SLC25A25: variants seen among roughly 807,000 people sequenced by gnomAD.
SLC25A25 encodes the protein solute carrier family 25 member 25.
A neutral mutation model predicts 57.7 loss-of-function variants in SLC25A25; 32 were observed. The ratio of observed to expected loss-of-function variants is 0.55; its 90% CI spans 0.42 to 0.74. SLC25A25 has a LOEUF of 0.74. Among genes scored for constraint, SLC25A25 ranks in the 30% least tolerant of loss-of-function variants. The probability of loss-of-function intolerance (pLI) is 0.00; values close to 1 mark genes in which losing one functional copy is unlikely to be tolerated. For synonymous variants in SLC25A25, 306 were observed against 291.2 expected (o/e 1.05, Z -0.52); for missense variants, 556 against 701.3 (o/e 0.79, Z 2.34).
At chr9:128,105,463 G>T (rs533791688) in intron 6 of SLC25A25, among the ~76,000 whole-genome samples, 1 of 149,226 alleles carries the variant, frequency 6.7e-6, no homozygotes, top group South Asian at 2.2e-4. Context: ...GAGCCACCGC[G>T]CCCAGCCTTG....
At chr9:128,068,730 G>A (rs1832837067) in intron 1 of SLC25A25, 150 bp downstream of exon 1, 1 of 918,472 alleles carries the variant, frequency 1.1e-6, no homozygotes, top group South Asian at 3.1e-5. Flanking sequence ...CCCCACTTAT[G>A]CCCTGGTGGG....
At chr9:128,073,085 C>G (rs1283763647) in intron 1 of SLC25A25, among the ~76,000 whole-genome samples, 1 of 152,184 alleles carries the variant, frequency 6.6e-6, no homozygotes, top group Admixed American at 6.5e-5. Context: ...GATTTTCACT[C>G]CATTTTACTA....
intron 1 of SLC25A25, among the ~76,000 whole-genome samples, chr9:128,085,127 C>G (rs1434636668): frequency 6.6e-6 from 1 of 152,116 alleles, no homozygotes; most frequent in East Asian, 1.9e-4. Flanking sequence ...GTCGAGAGCT[C>G]AAGACCATCC....
At position 128,107,882 on chromosome 9, in the gene SLC25A25, G is replaced by A. The variant is rs1834117923; in HGVS notation, c.*438G>A. Reference sequence around the variant, plus strand: ...CCTGCCTGTCTGCTGAGGTAAGGTGGGAGGAGGGCTACAGCCCACATCCCA... The same window carrying A: ...CCTGCCTGTCTGCTGAGGTAAGGTGAGAGGAGGGCTACAGCCCACATCCCA... On this transcript the variant is annotated 3_prime_UTR_variant, in exon 11 of 11. Coordinates refer to ENST00000373069, the MANE Select transcript of SLC25A25 (RefSeq NM_001330988.2). 5 of 401,294 alleles carry A rather than the reference G, an allele frequency of 1.2e-5. No individual in the cohort carries two copies. The East Asian group carries it at 1.4e-4, about 11-fold the overall frequency. The allele number at this position is 401,294 out of a possible 1,614,324, so 24.9% of individuals were successfully genotyped here.
chr9:128,072,912 A>G (rs1322875598), intron 1 of SLC25A25, among the ~76,000 whole-genome samples: 1 of 152,198 alleles, frequency 6.6e-6, no homozygotes, highest in African/African-American at 2.4e-5. Context: ...ATTCTGTGTA[A>G]ACAGTTGTCT....
At chr9:128,090,777 G>C (rs143384765) in intron 1 of SLC25A25, among the ~76,000 whole-genome samples, 3 of 152,140 alleles carry the variant, frequency 2.0e-5, no homozygotes, top group Non-Finnish European at 2.9e-5. Flanking sequence ...GACCCACTGC[G>C]CTCCAGCCTG....
intron 10 of SLC25A25, 38 bp from the exon 11 acceptor site, chr9:128,107,222 C>G (rs148031706): frequency 1.2e-6 from 2 of 1,611,670 alleles, no homozygotes; most frequent in South Asian, 1.1e-5. Context: ...TCGGGGGGAG[C>G]GGACAGAAGC....
At position 128,079,353 on chromosome 9, in the gene SLC25A25, C is replaced by T. The variant is rs374341066; in HGVS notation, c.261+10773C>T. On this transcript the variant is annotated intron_variant, in intron 1 of 10. Coordinates refer to ENST00000373069, the MANE Select transcript of SLC25A25 (RefSeq NM_001330988.2). ...TGACACTTCTTCCAAAACACAGAACCGCCTACATTGTGTAAGAAGACTCTC... is the reference window on the plus strand; with the variant it reads ...TGACACTTCTTCCAAAACACAGAACTGCCTACATTGTGTAAGAAGACTCTC... Among the ~76,000 whole-genome samples the T allele has an allele frequency of 3.4e-4, 50 of 149,134 alleles. No homozygotes were observed. In the East Asian group the frequency reaches 6.3e-3, roughly 19 times the overall value.
At chr9:128,082,418 C>A (rs376452164) in intron 1 of SLC25A25, among the ~76,000 whole-genome samples, 1 of 152,130 alleles carries the variant, frequency 6.6e-6, no homozygotes, top group African/African-American at 2.4e-5. Flanking sequence ...CCTGAAACTC[C>A]AGCCGCCCAG....
intron 1 of SLC25A25, among the ~76,000 whole-genome samples, chr9:128,070,549 G>C (rs1314377484): frequency 2.6e-5 from 4 of 151,528 alleles, no homozygotes; most frequent in African/African-American, 7.3e-5. Flanking sequence ...CTAGAGACAG[G>C]TTTTTTTTGT....
intron 1 of SLC25A25, among the ~76,000 whole-genome samples, chr9:128,074,964 C>G (rs540956618): frequency 1.3e-5 from 2 of 152,002 alleles, no homozygotes; most frequent in Admixed American, 6.6e-5. Context: ...AGTGAAACCC[C>G]GTCTCTACTA....
chr9:128,096,829 C>T lies in SLC25A25; in HGVS notation c.262-4267C>T, dbSNP rs191315764. Among the ~76,000 whole-genome samples, 8 of 152,308 alleles carry T rather than the reference C, an allele frequency of 5.3e-5. No individual in the cohort carries two copies. The East Asian group carries it at 5.8e-4, about 11-fold the overall frequency. ...AGGCAGAACATTCTGGATTGGGCAG[C>T]TTAAGAGATAGCTGAGTGTCATGGA... is the stretch of plus-strand genomic sequence containing the variant. On this transcript the variant is annotated intron_variant, in intron 1 of 10. Coordinates refer to ENST00000373069, the MANE Select transcript of SLC25A25 (RefSeq NM_001330988.2).
intron 1 of SLC25A25, among the ~76,000 whole-genome samples, chr9:128,090,280 T>C (rs1291178579): frequency 6.6e-6 from 1 of 152,102 alleles, no homozygotes; most frequent in Non-Finnish European, 1.5e-5. Context: ...TGGTGCAATC[T>C]TGGCTCACTG....
chr9:128,078,240 A>G (rs1361587983), intron 1 of SLC25A25, among the ~76,000 whole-genome samples: 6 of 152,190 alleles, frequency 3.9e-5, no homozygotes, highest in Non-Finnish European at 7.3e-5. Flanking sequence ...GGTCTGGCAC[A>G]TATTCACCAA....
At chr9:128,069,443 T>A (rs1832852606) in intron 1 of SLC25A25, among the ~76,000 whole-genome samples, 1 of 152,152 alleles carries the variant, frequency 6.6e-6, no homozygotes, top group South Asian at 2.1e-4. Context: ...TTAGCCTGAT[T>A]TACAGCCTGG....
chr9:128,083,227 C>CAA (rs1190331501), intron 1 of SLC25A25, among the ~76,000 whole-genome samples: 2,863 of 62,838 alleles, frequency 0.046, 84 homozygotes, highest in African/African-American at 0.098. Flanking sequence ...GACTCCGTCT[C>CAA]AAAAAAAAAA....
rs1267541174 is a variant in SLC25A25 at position 128,099,860 on chromosome 9, C to T, written c.262-1236C>T. Among the ~76,000 whole-genome samples the T allele has an allele frequency of 2.0e-5, 3 of 152,164 alleles. No homozygotes were observed. The highest frequency in any genetic ancestry group is 4.4e-5 in the Non-Finnish European group (3 of 68,046). The stretch of plus-strand genomic sequence containing the variant: ...CCATCCATTTCCAAACCCCAGCTGG[C>T]TGTCAGTTGATTTCTCCCAGTGAGA... On this transcript the variant is annotated intron_variant, in intron 1 of 10. Transcript: ENST00000373069. This position sits in a 1 kb window ranked among gnomAD's most constrained non-coding sequence, Gnocchi z 6.8.
intron 1 of SLC25A25, among the ~76,000 whole-genome samples, chr9:128,096,912 C>T (rs4837237): frequency 0.13 from 19,081 of 152,238 alleles, 1,307 homozygotes; most frequent in South Asian, 0.22. Flanking sequence ...TCATAGGATC[C>T]GTCACTAGGG....
At chr9:128,098,395 G>A (rs1833631565) in intron 1 of SLC25A25, 1 of 1,310,612 alleles carries the variant, frequency 7.6e-7, no homozygotes, top group Non-Finnish European at 9.9e-7. Flanking sequence ...CTGTTGGCAG[G>A]ACTTGCCGTG....
Sources: allele counts gnomAD v4.1 joint callset (sites outside exome capture counted in the v4.1 genomes callset), GRCh38; gene constraint gnomAD v4.1.1; non-coding constraint Gnocchi (gnomAD v3.1); transcripts MANE v1.5; gene names NCBI Gene and HGNC (gene_info 2026-07-23, HGNC 2026-07-21).